The following EPHA7 variants were observed in gnomAD, a reference collection of about 807,000 sequenced individuals.
The protein encoded by EPHA7 is EPH receptor A7.
A neutral mutation model predicts 112.6 loss-of-function variants in EPHA7; 25 were observed. The observed-to-expected ratio is 0.22, with a 90% CI of 0.16 to 0.31. EPHA7 has a LOEUF of 0.31. EPHA7 is among the 10% of genes least tolerant of loss of function. EPHA7 has a pLI of 1.00. For synonymous variants in EPHA7, 437 were observed against 406.5 expected, an observed-to-expected ratio of 1.07 and a Z score of -0.90; for missense variants, 962 against 1,212.6, an observed-to-expected ratio of 0.79 and a Z score of 3.07.
chr6:93,332,479 T>C (rs1239830894), intron 5 of EPHA7, among the ~76,000 whole-genome samples: 1 of 151,642 alleles, frequency 6.6e-6, no homozygotes. Flanking sequence ...CATCTCTCTC[T>C]TTGCTAAGTG....
intron 7 of EPHA7, among the ~76,000 whole-genome samples, chr6:93,265,314 C>G (rs1770879562): frequency 6.6e-6 from 1 of 151,582 alleles, no homozygotes; most frequent in Non-Finnish European, 1.5e-5. Flanking sequence ...AAGTAGCTAG[C>G]CTATTTTAGA....
intron 11 of EPHA7, 71 bp downstream of exon 11, chr6:93,258,028 T>G: frequency 7.2e-7 from 1 of 1,380,088 alleles, no homozygotes; most frequent in Non-Finnish European, 1.0e-6. Context: ...ATTTGTTTTA[T>G]TGTGTACATA....
In EPHA7 at chr6:93,272,376, C is replaced by T; in HGVS notation, c.1371G>A (p.Arg457=). Residue 457 remains arginine (R), a synonymous_variant, in exon 6 of 17, where the codon CGG becomes CGA. Transcript: ENST00000369303. ...GTTCCTGCCAGGAAAGCTCGACACT[C>T]CGCTGCAGTACTCTCTCCTTCATTA... The part of the protein sequence containing the change: ...SGVMKERVLQ[R]SVELSWQEPE... 1 of 1,612,174 alleles carries T rather than the reference C, an allele frequency of 6.2e-7. No homozygotes were observed. The highest frequency in any genetic ancestry group is 8.5e-7 in the Non-Finnish European group (1 of 1,178,664).
At chr6:93,329,966 T>A (rs967247937) in intron 5 of EPHA7, among the ~76,000 whole-genome samples, 2 of 151,448 alleles carry the variant, frequency 1.3e-5, no homozygotes, top group African/African-American at 4.8e-5. Flanking sequence ...AGCAGGTTTA[T>A]CTTTTTACAC....
In EPHA7 at chr6:93,240,886, G is replaced by A. The variant is rs138297561; in HGVS notation, c.*2540C>T. On this transcript the variant is annotated 3_prime_UTR_variant, in exon 17 of 17. Transcript: ENST00000369303. The stretch of plus-strand genomic sequence containing the variant: ...TATTTGTTTCACATACATGTATTTC[G>A]AAATCATAATGTTGATTAGGAAAAG... 80 of 205,890 alleles carry A rather than the reference G, an allele frequency of 3.9e-4. 1 individual carries two copies. The highest frequency in any genetic ancestry group is 1.5e-3 in the Middle Eastern group (1 of 660). 12.8% of individuals were successfully genotyped at this position (205,890 alleles called of 1,614,324 possible). A position where few individuals can be genotyped will look rare whatever the true frequency, so the allele number is the denominator to read the frequency against.
chr6:93,281,370 G>T (rs1287251748), intron 5 of EPHA7, among the ~76,000 whole-genome samples: 3 of 152,096 alleles, frequency 2.0e-5, no homozygotes, highest in Admixed American at 1.3e-4. Flanking sequence ...AACTACTTTC[G>T]TACTTTTACA....
rs149447692 is a variant in EPHA7, at chr6:93,347,967, C to G, written c.1324+8750G>C. On this transcript the variant is annotated intron_variant, in intron 5 of 16. Coordinates refer to ENST00000369303, the MANE Select transcript of EPHA7 (RefSeq NM_004440.4). Reference sequence around the variant, plus strand: ...AATAATTTAAGAAAAGATAAAGAAGCATTAAATTGGAAATATGAGACGCAA... The same window carrying G: ...AATAATTTAAGAAAAGATAAAGAAGGATTAAATTGGAAATATGAGACGCAA... 3.0e-3 allele frequency among the ~76,000 whole-genome samples: 451 copies of G among 151,810 alleles called. 1 individual carries two copies. The highest frequency in any genetic ancestry group is 0.01 in the African/African-American group (422 of 41,444).
intron 3 of EPHA7, among the ~76,000 whole-genome samples, chr6:93,409,063 C>A (rs1232142099): frequency 6.6e-6 from 1 of 151,750 alleles, no homozygotes; most frequent in Non-Finnish European, 1.5e-5. Flanking sequence ...AGTCATTTTT[C>A]AAAACCTAAA....
At chr6:93,257,936 G>A (rs1487817346) in intron 11 of EPHA7, among the ~76,000 whole-genome samples, 163 bp downstream of exon 11, 1 of 151,640 alleles carries the variant, frequency 6.6e-6, no homozygotes, top group Non-Finnish European at 1.5e-5. Flanking sequence ...TTTCCCTTGA[G>A]GTGATAACAT....
intron 3 of EPHA7, among the ~76,000 whole-genome samples, chr6:93,359,590 T>G (rs577542637): frequency 6.6e-6 from 1 of 152,066 alleles, no homozygotes; most frequent in East Asian, 1.9e-4. Context: ...TAACCACATT[T>G]TTCACTCTGC....
intron 6 of EPHA7, among the ~76,000 whole-genome samples, chr6:93,270,953 A>G (rs1032475229): frequency 6.6e-6 from 1 of 151,788 alleles, no homozygotes; most frequent in Admixed American, 6.6e-5. Context: ...ATTTGAACAT[A>G]TTTATTCTAG....
intron 3 of EPHA7, among the ~76,000 whole-genome samples, chr6:93,378,251 AAG>A (rs1777158934): frequency 6.6e-6 from 1 of 152,056 alleles, no homozygotes; most frequent in East Asian, 1.9e-4. Flanking sequence ...CAGAGCTGAA[AAG>A]AGAGACAGGA....
At chr6:93,295,938 A>G (rs1772638557) in intron 5 of EPHA7, among the ~76,000 whole-genome samples, 1 of 151,880 alleles carries the variant, frequency 6.6e-6, no homozygotes, top group South Asian at 2.1e-4. Flanking sequence ...TTCAGCAGAC[A>G]CACACAAACA....
At chr6:93,402,975 A>G (rs1778502518) in intron 3 of EPHA7, among the ~76,000 whole-genome samples, 4 of 152,094 alleles carry the variant, frequency 2.6e-5, no homozygotes, top group Admixed American at 2.6e-4. Context: ...ACATAAAGAC[A>G]GTAAGAAAGC....
intron 3 of EPHA7, among the ~76,000 whole-genome samples, chr6:93,409,053 A>G (rs1431724281): frequency 1.3e-5 from 2 of 151,980 alleles, no homozygotes; most frequent in Admixed American, 1.3e-4. Flanking sequence ...AATGTTTAAT[A>G]GTCATTTTTC....
intron 3 of EPHA7, among the ~76,000 whole-genome samples, chr6:93,389,427 G>C (rs904906866): frequency 6.6e-6 from 1 of 152,016 alleles, no homozygotes; most frequent in East Asian, 1.9e-4. Context: ...CACGTGGTGG[G>C]TTCTGGACTG....
At chr6:93,264,726 A>G in intron 7 of EPHA7, 24 bp from the exon 8 acceptor site, 1 of 1,449,100 alleles carries the variant, frequency 6.9e-7, no homozygotes, top group Non-Finnish European at 9.5e-7. Flanking sequence ...AAATAGGCTC[A>G]GAAATACTTG....
intron 5 of EPHA7, among the ~76,000 whole-genome samples, chr6:93,314,051 T>C (rs567455088): frequency 6.6e-6 from 1 of 152,260 alleles, no homozygotes; most frequent in East Asian, 1.9e-4. Context: ...TGTCTTACAG[T>C]CCACAGTCTT....
chr6:93,347,615 A>G (rs919162494), intron 5 of EPHA7, among the ~76,000 whole-genome samples: 1 of 151,922 alleles, frequency 6.6e-6, no homozygotes, highest in Non-Finnish European at 1.5e-5. Context: ...AAAATACCAC[A>G]GACTGAGGGG....
Sources: allele counts gnomAD v4.1 joint callset (sites outside exome capture counted in the v4.1 genomes callset), GRCh38; gene constraint gnomAD v4.1.1; transcripts MANE v1.5; gene names NCBI Gene and HGNC (gene_info 2026-07-23, HGNC 2026-07-21).